Variants in BACH1 observed in about 807,000 individuals in gnomAD.
BACH1 encodes the protein BTB domain and CNC homolog 1.
Under a neutral mutation model 52.9 loss-of-function variants are expected in BACH1, and 35 were observed. That is an observed-to-expected ratio of 0.66 (90% CI 0.51 to 0.88). The LOEUF (loss-of-function observed/expected upper bound fraction) is 0.88, where lower values mean the gene tolerates loss of function less well. Among genes scored for constraint, BACH1 ranks in the 40% least tolerant of loss-of-function variants. The pLI, the probability that BACH1 is intolerant of heterozygous loss-of-function variation, is 0.00. For missense variants in BACH1, 808 were observed against 872.6 expected (o/e 0.93, Z 0.93); for synonymous variants, 321 against 319.6 (o/e 1.00, Z -0.05).
At chr21:29,307,327 A>G (rs1054365812) in intron 1 of BACH1, among the ~76,000 whole-genome samples, 2 of 152,228 alleles carry the variant, frequency 1.3e-5, no homozygotes, top group African/African-American at 4.8e-5. Context: ...TAGTACTCCT[A>G]ACTTTTCTGT....
intron 4 of BACH1, among the ~76,000 whole-genome samples, chr21:29,338,974 C>A (rs1026027231): frequency 6.6e-6 from 1 of 151,906 alleles, no homozygotes. Flanking sequence ...AATATTTTTT[C>A]TTAGTTCAGA....
chr21:29,341,180 G>C (rs2089108739), intron 4 of BACH1, among the ~76,000 whole-genome samples: 1 of 151,980 alleles, frequency 6.6e-6, no homozygotes, highest in South Asian at 2.1e-4. Context: ...TTTGTATAAA[G>C]CAAAATTCGT....
downstream of BACH1, chr21:29,346,205 T>G (rs1436617402): frequency 6.6e-6 from 1 of 152,202 alleles, no homozygotes; most frequent in Non-Finnish European, 1.5e-5. Flanking sequence ...CTCAGTTTAG[T>G]CTTTTGATCG....
intron 1 of BACH1, among the ~76,000 whole-genome samples, chr21:29,303,654 ACTTGT>A (rs1366502555): frequency 3.9e-5 from 6 of 152,170 alleles, no homozygotes; most frequent in Middle Eastern, 3.2e-3. Context: ...TAGACATAAA[ACTTGT>A]CTTGTGACTT....
intron 4 of BACH1, among the ~76,000 whole-genome samples, chr21:29,340,347 G>A (rs907330936): frequency 2.0e-5 from 3 of 152,172 alleles, no homozygotes; most frequent in Non-Finnish European, 4.4e-5. Flanking sequence ...TTCTGGTGGA[G>A]TTCTAGGGCT....
rs1285912467 is a variant in BACH1, at chr21:29,345,326, A to G, written c.*2493A>G. ...TTTGAGGCTGCCGAAGACAAATGAC[A>G]GGATTATGAGTATACAGTGTATGCC... On this transcript the variant is annotated 3_prime_UTR_variant, in exon 5 of 5. Coordinates refer to ENST00000286800, the MANE Select transcript of BACH1 (RefSeq NM_001186.4). 3.9e-5 allele frequency: 6 copies of G among 152,548 alleles called. No individual in the cohort carries two copies. The highest frequency in any genetic ancestry group is 1.2e-4 in the African/African-American group (5 of 41,464). 9.4% of individuals were successfully genotyped at this position (152,548 alleles called of 1,614,324 possible). A position where few individuals can be genotyped will look rare whatever the true frequency, so the allele number is the denominator to read the frequency against.
At chr21:29,341,009 AAC>A (rs1457610596) in intron 4 of BACH1, among the ~76,000 whole-genome samples, 1 of 151,886 alleles carries the variant, frequency 6.6e-6, no homozygotes, top group Non-Finnish European at 1.5e-5. Context: ...TAAAAATCTG[AAC>A]AGATTGGAGA....
At chr21:29,316,121 C>T (rs1164226030) in intron 1 of BACH1, among the ~76,000 whole-genome samples, 1 of 152,124 alleles carries the variant, frequency 6.6e-6, no homozygotes, top group African/African-American at 2.4e-5. Context: ...AAGTTATCTT[C>T]TGACTTTCTG....
At chr21:29,332,595 A>G (rs2088997109) in intron 4 of BACH1, among the ~76,000 whole-genome samples, 1 of 152,210 alleles carries the variant, frequency 6.6e-6, no homozygotes, top group Non-Finnish European at 1.5e-5. Flanking sequence ...AGGGAACAGA[A>G]GTGGAAGACT....
intron 4 of BACH1, 117 bp from the exon 5 acceptor site, chr21:29,342,282 G>T: frequency 9.6e-7 from 1 of 1,046,730 alleles, no homozygotes; most frequent in Non-Finnish European, 1.4e-6. Context: ...GAATTGAAAG[G>T]ATAAACTCCA....
chr21:29,320,468 T>G (rs544536260), intron 1 of BACH1, among the ~76,000 whole-genome samples: 1 of 152,318 alleles, frequency 6.6e-6, no homozygotes, highest in South Asian at 2.1e-4. Context: ...TGGAGGCTAT[T>G]ATATGTTAGT....
chr21:29,311,283 G>A (rs890113335), intron 1 of BACH1, among the ~76,000 whole-genome samples: 16 of 151,980 alleles, frequency 1.1e-4, no homozygotes, highest in African/African-American at 3.6e-4. Context: ...TCTATTTGAA[G>A]ACTCTCCTAA....
intron 1 of BACH1, chr21:29,300,012 C>G (rs1190044675): frequency 6.6e-6 from 1 of 152,126 alleles, no homozygotes; most frequent in Admixed American, 6.5e-5. Context: ...GTGTTAGTGG[C>G]AGAGCACTTG....
intron 1 of BACH1, among the ~76,000 whole-genome samples, chr21:29,301,260 T>A (rs2088599909): frequency 6.6e-6 from 1 of 152,204 alleles, no homozygotes. Flanking sequence ...TTAAAACTTT[T>A]AAAAACTTTA....
At chr21:29,332,483 C>T (rs1054583015) in intron 4 of BACH1, among the ~76,000 whole-genome samples, 18 of 152,134 alleles carry the variant, frequency 1.2e-4, no homozygotes, top group Non-Finnish European at 2.2e-4. Context: ...AAGAAACAGA[C>T]TTTTGATTGA....
Position 29,326,393 on chromosome 21 carries a change from A to T in BACH1, c.569A>T (p.Gln190Leu), listed in dbSNP as rs771150831. The T allele has an allele frequency of 4.3e-6, 7 of 1,614,206 alleles. No individual in the cohort carries two copies. In the East Asian group the frequency reaches 1.6e-4, roughly 36 times the overall value. ...CCTCAGTGTAAACTCCGCAGGTATC[A>T]AGGAAATGCAAAAGCCTCACCTCCT... ...QTPQCKLRRY[Q>L]GNAKASPPLQ... Residue 190 changes from glutamine (Q) to leucine (L), a missense_variant, in exon 3 of 5, where the codon CAA becomes CTA. Transcript: ENST00000286800.
At chr21:29,320,753 T>A (rs965290814) in intron 1 of BACH1, among the ~76,000 whole-genome samples, 2 of 152,224 alleles carry the variant, frequency 1.3e-5, no homozygotes, top group African/African-American at 4.8e-5. Context: ...GAATGGGGTG[T>A]GGAGAATGTG....
chr21:29,324,985 T>A (rs2088893193), intron 2 of BACH1, among the ~76,000 whole-genome samples: 1 of 152,074 alleles, frequency 6.6e-6, no homozygotes. Flanking sequence ...TCCCAGCACT[T>A]TGGGAGGCCT....
chr21:29,323,027 T>TAATTC, intron 2 of BACH1, among the ~76,000 whole-genome samples: 1 of 14,824 alleles, frequency 6.7e-5, no homozygotes, highest in East Asian at 0.014. Flanking sequence ...TCATTCTTTC[T>TAATTC]AATGTGTAAA....
Sources: allele counts gnomAD v4.1 joint callset (sites outside exome capture counted in the v4.1 genomes callset), GRCh38; gene constraint gnomAD v4.1.1; transcripts MANE v1.5; gene names NCBI Gene and HGNC (gene_info 2026-07-23, HGNC 2026-07-21).